The following CELF2 variants were observed in gnomAD, a reference collection of about 807,000 sequenced individuals.
CELF2 encodes the protein CUGBP Elav-like family member 2.
A neutral mutation model predicts 62.6 loss-of-function variants in CELF2; 8 were observed. The ratio of observed to expected loss-of-function variants is 0.13; its 90% CI spans 0.07 to 0.23. The LOEUF (loss-of-function observed/expected upper bound fraction) is 0.23. Ranked by LOEUF, CELF2 falls within the 10% of genes least tolerant of loss-of-function variation. The pLI is 1.00. For missense variants in CELF2, 333 were observed against 671.0 expected (o/e 0.50, Z 5.56); for synonymous variants, 258 against 250.0 (o/e 1.03, Z -0.30).
chr10:10,488,545 G>C, the CELF2 span, among the ~76,000 whole-genome samples: 1 of 152,056 alleles, frequency 6.6e-6, no homozygotes, highest in Non-Finnish European at 1.5e-5. Context: ...ATGTGTATTT[G>C]CTCACTTAAT....
chr10:10,959,176 G>A (rs886567918), intron 2 of CELF2, among the ~76,000 whole-genome samples: 4 of 152,130 alleles, frequency 2.6e-5, no homozygotes, highest in Admixed American at 2.0e-4. Context: ...AGCTACTCAG[G>A]AGGCTGAAGC....
the CELF2 span, among the ~76,000 whole-genome samples, chr10:10,778,029 GT>G: frequency 2.0e-5 from 3 of 152,160 alleles, no homozygotes; most frequent in Admixed American, 6.5e-5. Flanking sequence ...CATGTCTCCT[GT>G]TAAGTATAGA....
chr10:10,783,775 A>G, the CELF2 span, among the ~76,000 whole-genome samples: 3 of 152,168 alleles, frequency 2.0e-5, no homozygotes, highest in African/African-American at 7.2e-5. Context: ...TCACGGCATC[A>G]AGAGATTGAG....
At chr10:10,744,329 A>G in the CELF2 span, among the ~76,000 whole-genome samples, 12 of 152,256 alleles carry the variant, frequency 7.9e-5, no homozygotes, top group Non-Finnish European at 1.8e-4. Context: ...AATTATTCAC[A>G]TTTGCAAGAA....
chr10:11,241,149 T>C (rs1418402552), intron 3 of CELF2, among the ~76,000 whole-genome samples: 1 of 152,324 alleles, frequency 6.6e-6, no homozygotes, highest in East Asian at 1.9e-4. Context: ...ATTCCACTTA[T>C]CAGGAATAGT....
chr10:10,599,610 G>A, the CELF2 span, among the ~76,000 whole-genome samples: 4 of 152,030 alleles, frequency 2.6e-5, no homozygotes, highest in African/African-American at 9.7e-5. Context: ...GGAAAAATAC[G>A]CCTTAAAAGA....
intron 4 of CELF2, among the ~76,000 whole-genome samples, chr10:11,249,949 C>G (rs1414563128): frequency 2.0e-5 from 3 of 152,116 alleles, no homozygotes; most frequent in Non-Finnish European, 4.4e-5. Flanking sequence ...CTGCTCTGTC[C>G]CATAAGACTG....
chr10:10,941,668 C>T (rs150089154), intron 2 of CELF2, among the ~76,000 whole-genome samples: 156 of 152,224 alleles, frequency 1.0e-3, no homozygotes, highest in African/African-American at 3.5e-3. Context: ...GAAGGATATG[C>T]GTGTTACTTT....
chr10:10,906,717 C>CTTTTTTTTTTTT (rs397846553), intron 1 of CELF2, among the ~76,000 whole-genome samples: 346 of 109,116 alleles, frequency 3.2e-3, no homozygotes, highest in Middle Eastern at 6.4e-3. Context: ...TTTTTCTTTT[C>CTTTTTTTTTTTT]TTTTTTTTTT....
chr10:11,307,600 G>A (rs556891095), intron 9 of CELF2, among the ~76,000 whole-genome samples: 36 of 152,222 alleles, frequency 2.4e-4, no homozygotes, highest in African/African-American at 2.9e-4. Flanking sequence ...ACAATAACCC[G>A]GTGAATTCAG....
chr10:10,829,572 C>G (rs930298301), intron 1 of CELF2, among the ~76,000 whole-genome samples: 1 of 152,178 alleles, frequency 6.6e-6, no homozygotes, highest in African/African-American at 2.4e-5. Context: ...ACTTAAATAT[C>G]TTTATTCCTT....
At chr10:11,001,526 T>C (rs1020959306), upstream of CELF2, among the ~76,000 whole-genome samples, 1 of 152,228 alleles carries the variant, frequency 6.6e-6, no homozygotes, top group African/African-American at 2.4e-5. Flanking sequence ...GGAAATTACC[T>C]ATAACAGAAA....
At chr10:11,146,795 A>T (rs1265480353) in intron 1 of CELF2, among the ~76,000 whole-genome samples, 2 of 152,232 alleles carry the variant, frequency 1.3e-5, no homozygotes, top group Non-Finnish European at 2.9e-5. Context: ...TTTGCAACTC[A>T]TAGCCACATC....
the CELF2 span, among the ~76,000 whole-genome samples, chr10:10,774,945 C>A: frequency 6.6e-6 from 1 of 151,534 alleles, no homozygotes; most frequent in Non-Finnish European, 1.5e-5. Context: ...GTGGTGCAAT[C>A]TTGGCTCACT....
chr10:10,910,627 G>A (rs769870254), intron 1 of CELF2, among the ~76,000 whole-genome samples: 2 of 146,384 alleles, frequency 1.4e-5, no homozygotes, highest in Admixed American at 7.1e-5. Context: ...TTGAACCTGG[G>A]AGGCAGAGGT....
rs2066704537 is a variant in CELF2, at chr10:11,165,219, C to T, written c.75-267C>T. 2.3e-6 allele frequency: 3 copies of T among 1,309,962 alleles called. No individual in the cohort carries two copies. Among genetic ancestry groups the T allele is most frequent in the Admixed American group, 3.6e-5 (1 of 27,496 alleles). The allele number at this position is 1,309,962 out of a possible 1,614,324, so 81.1% of individuals were successfully genotyped here. ...TCCCGAGCCTCCAAGATGTCCACGC[C>T]CTGGGTGACAGGCGGCAGGGCGCTG... is the stretch of plus-strand genomic sequence containing the variant. On this transcript the variant is annotated intron_variant, in intron 1 of 12. Transcript: ENST00000633077. This position sits in a 1 kb window ranked among gnomAD's most constrained non-coding sequence, Gnocchi z 7.4.
chr10:10,748,747 C>CAAAAAA, the CELF2 span, among the ~76,000 whole-genome samples: 3 of 36,964 alleles, frequency 8.1e-5, no homozygotes, highest in Non-Finnish European at 1.0e-4. Flanking sequence ...GACTCTGTCT[C>CAAAAAA]AAAAAAAAAA....
At chr10:11,221,329 T>C (rs937964977) in intron 3 of CELF2, among the ~76,000 whole-genome samples, 3 of 152,226 alleles carry the variant, frequency 2.0e-5, no homozygotes, top group African/African-American at 7.2e-5. Flanking sequence ...CCATTGTGTT[T>C]CCCAGAGGGA....
chr10:10,950,717 T>C (rs1327013790), intron 2 of CELF2, among the ~76,000 whole-genome samples: 1 of 152,232 alleles, frequency 6.6e-6, no homozygotes, highest in Admixed American at 6.5e-5. Context: ...GCAACTTTCC[T>C]GATTAAATTG....
Sources: gnomAD v4.1 joint callset for allele counts (sites outside exome capture counted in the v4.1 genomes callset) on GRCh38, gnomAD v4.1.1 for gene constraint, Gnocchi (gnomAD v3.1) non-coding constraint, MANE v1.5 for transcripts, NCBI Gene and HGNC (gene_info 2026-07-23, HGNC 2026-07-21) for gene names.